CHLSN: variants seen among roughly 807,000 people sequenced by gnomAD.
CHLSN encodes cholesin, also known as protein cholesin.
At chr7:1,099,244 G>A in the CHLSN span, among the ~76,000 whole-genome samples, 10 of 150,942 alleles carry the variant, frequency 6.6e-5, no homozygotes, top group Non-Finnish European at 1.2e-4. Flanking sequence ...TCGCTGTCGC[G>A]TTCCTGCAGC....
the CHLSN span, chr7:987,230 C>A: frequency 6.5e-7 from 1 of 1,534,560 alleles, no homozygotes; most frequent in Non-Finnish European, 8.8e-7. Flanking sequence ...GATGGGCCGG[C>A]ACCCGGACGT....
At chr7:1,133,328 T>C in the CHLSN span, among the ~76,000 whole-genome samples, 1 of 141,746 alleles carries the variant, frequency 7.1e-6, no homozygotes, top group Non-Finnish European at 1.5e-5. Context: ...GGGTTTCTTG[T>C]GGCAGAAGGA....
At chr7:1,011,691 CACACCCAG>C in the CHLSN span, among the ~76,000 whole-genome samples, 2 of 149,654 alleles carry the variant, frequency 1.3e-5, no homozygotes, top group Admixed American at 1.3e-4. Context: ...CAGATGCCCA[CACACCCAG>C]ACACCCACAG....
At chr7:988,466 G>A in the CHLSN span, 6 of 1,608,100 alleles carry the variant, frequency 3.7e-6, no homozygotes, top group South Asian at 5.5e-5. Context: ...CAGGGCTCCA[G>A]GGGTGGGACG....
At chr7:1,052,938 T>C in the CHLSN span, among the ~76,000 whole-genome samples, 1 of 152,152 alleles carries the variant, frequency 6.6e-6, no homozygotes, top group South Asian at 2.1e-4. The surrounding 1 kb of genome is among the most constrained non-coding windows in gnomAD (Gnocchi z 4.2). Context: ...AGCCCACTTC[T>C]GAAGAGGCTC....
chr7:1,094,343 C>T, the CHLSN span, among the ~76,000 whole-genome samples: 1 of 152,216 alleles, frequency 6.6e-6, no homozygotes, highest in East Asian at 1.9e-4. Context: ...CGCAGGGCGT[C>T]GGGATGTGTG....
chr7:999,231 A>T, the CHLSN span, among the ~76,000 whole-genome samples: 1 of 152,254 alleles, frequency 6.6e-6, no homozygotes, highest in Non-Finnish European at 1.5e-5. Flanking sequence ...GTTAAAACAA[A>T]ACAAAACGTG....
the CHLSN span, chr7:988,599 G>A: frequency 6.2e-7 from 1 of 1,601,736 alleles, no homozygotes; most frequent in Non-Finnish European, 8.5e-7. Flanking sequence ...GAGCAGGCCT[G>A]GTGCAGCCCA....
At chr7:1,053,814 G>C in the CHLSN span, among the ~76,000 whole-genome samples, 147 of 152,266 alleles carry the variant, frequency 9.7e-4, no homozygotes, top group African/African-American at 3.4e-3. Flanking sequence ...GCAACAGAGC[G>C]AGACTCCATC....
At chr7:1,072,350 G>A in the CHLSN span, among the ~76,000 whole-genome samples, 1 of 152,228 alleles carries the variant, frequency 6.6e-6, no homozygotes, top group Non-Finnish European at 1.5e-5. Context: ...GAATGCCCCT[G>A]CACACACGCA....
At chr7:1,100,455 A>G in the CHLSN span, among the ~76,000 whole-genome samples, 9 of 152,230 alleles carry the variant, frequency 5.9e-5, no homozygotes, top group Non-Finnish European at 1.0e-4. Context: ...CTGAGCTCTG[A>G]GGCGTGCGGC....
chr7:1,044,212 C>A, the CHLSN span, among the ~76,000 whole-genome samples: 1 of 152,248 alleles, frequency 6.6e-6, no homozygotes, highest in Non-Finnish European at 1.5e-5. Context: ...GGGGCCTGCA[C>A]CCTGCAGATT....
chr7:997,548 A>G, the CHLSN span: 3 of 1,285,330 alleles, frequency 2.3e-6, no homozygotes, highest in Non-Finnish European at 2.0e-6. Flanking sequence ...CCCGGCCCCC[A>G]CCGCCGGAGG....
the CHLSN span, among the ~76,000 whole-genome samples, chr7:1,057,211 T>C: frequency 6.6e-6 from 1 of 151,846 alleles, no homozygotes; most frequent in Non-Finnish European, 1.5e-5. Context: ...CAGCAGCCCG[T>C]GAAGAGTGGG....
chr7:1,120,482 G>C, the CHLSN span, among the ~76,000 whole-genome samples: 18 of 152,232 alleles, frequency 1.2e-4, no homozygotes, highest in African/African-American at 4.3e-4. Flanking sequence ...TATACAGACA[G>C]GGTTTCACCA....
the CHLSN span, among the ~76,000 whole-genome samples, chr7:1,088,978 G>C: frequency 6.6e-6 from 1 of 151,972 alleles, no homozygotes; most frequent in African/African-American, 2.4e-5. This position sits in a 1 kb window ranked among gnomAD's most constrained non-coding sequence, Gnocchi z 4.5. Context: ...TGAATGACTC[G>C]TTTTTAAACT....
At chr7:987,857 C>G in the CHLSN span, among the ~76,000 whole-genome samples, 1 of 151,496 alleles carries the variant, frequency 6.6e-6, no homozygotes, top group Non-Finnish European at 1.5e-5. Context: ...GGGGGGGTCC[C>G]CTCTGTGTGT....
At chr7:1,079,668 G>T in the CHLSN span, among the ~76,000 whole-genome samples, 63 of 152,326 alleles carry the variant, frequency 4.1e-4, no homozygotes, top group African/African-American at 1.4e-3. Flanking sequence ...CCTCTGAGGG[G>T]CCCCGTGGCA....
At chr7:1,004,482 C>T in the CHLSN span, among the ~76,000 whole-genome samples, 3,099 of 121,880 alleles carry the variant, frequency 0.025, 94 homozygotes, top group African/African-American at 0.099. Context: ...TGCTGGCCCA[C>T]GGCACTGCTG....
Sources: allele counts gnomAD v4.1 joint callset (sites outside exome capture counted in the v4.1 genomes callset), GRCh38; gene constraint gnomAD v4.1.1; non-coding constraint Gnocchi (gnomAD v3.1); transcripts MANE v1.5; gene names NCBI Gene and HGNC (gene_info 2026-07-23, HGNC 2026-07-21).